EPHB4: variants seen among roughly 807,000 people sequenced by gnomAD.
EPHB4 encodes the protein EPH receptor B4.
Under a neutral mutation model 110.6 loss-of-function variants are expected in EPHB4, and 50 were observed. That is an observed-to-expected ratio of 0.45 (90% confidence interval 0.36 to 0.57). The LOEUF (loss-of-function observed/expected upper bound fraction) is 0.57, where lower values mean the gene tolerates loss of function less well. Ranked by LOEUF, EPHB4 falls within the 20% of genes least tolerant of loss-of-function variation. The pLI is 0.00. For missense variants in EPHB4, 1,128 were observed against 1,382.1 expected (o/e 0.82, Z 2.91); for synonymous variants, 592 against 578.4 (o/e 1.02, Z -0.34).
At position 100,812,746 on chromosome 7, in the gene EPHB4, C is replaced by T; in HGVS notation, c.2118+1G>A. On this transcript the variant is annotated splice_donor_variant, in intron 12 of 16. Transcript: ENST00000358173. LOFTEE classifies it high-confidence loss of function. The stretch of plus-strand genomic sequence containing the variant: ...CCGCAGAAGCCAGGGAGGGTGCTCA[C>T]CCGCAGGAAGGAGTCCAGGGCGCCG... 2 of 1,612,136 alleles carry T rather than the reference C, an allele frequency of 1.2e-6. No homozygotes were observed. The highest frequency in any genetic ancestry group is 1.7e-6 in the Non-Finnish European group (2 of 1,179,702).
At chr7:100,818,441 G>C in intron 7 of EPHB4, 79 bp downstream of exon 7, 1 of 1,565,718 alleles carries the variant, frequency 6.4e-7, no homozygotes, top group Non-Finnish European at 8.7e-7. Flanking sequence ...ATGCCTGCCA[G>C]GTGCCTGCAA....
chr7:100,816,129 G>A (rs1008121312), intron 8 of EPHB4, among the ~76,000 whole-genome samples: 6 of 150,354 alleles, frequency 4.0e-5, no homozygotes, highest in African/African-American at 1.5e-4. Context: ...TCGCGCCACC[G>A]CACTCCAGCC....
chr7:100,808,064 G>A (rs187277244), intron 12 of EPHB4, among the ~76,000 whole-genome samples: 3 of 152,268 alleles, frequency 2.0e-5, no homozygotes, highest in Admixed American at 1.3e-4. Flanking sequence ...TCTTGCTACA[G>A]TATCACAACA....
chr7:100,808,424 A>G (rs748288666), intron 12 of EPHB4, among the ~76,000 whole-genome samples: 18 of 152,032 alleles, frequency 1.2e-4, no homozygotes, highest in Non-Finnish European at 1.9e-4. Flanking sequence ...ATGGGGTCTC[A>G]CTGTGTTTCC....
At chr7:100,809,031 T>G (rs1225822428) in intron 12 of EPHB4, among the ~76,000 whole-genome samples, 1 of 152,188 alleles carries the variant, frequency 6.6e-6, no homozygotes, top group East Asian at 1.9e-4. Context: ...ACGGCCTGGA[T>G]GCTGGCAACA....
rs1562972261 is a variant in EPHB4, at chr7:100,820,192, G to A, written c.913C>T (p.Arg305Cys). The A allele has an allele frequency of 7.4e-6, 12 of 1,614,102 alleles. No individual in the cohort carries two copies. Among genetic ancestry groups the A allele is most frequent in the Non-Finnish European group, 1.0e-5 (12 of 1,180,024 alleles). Reference protein sequence around the residue: ...NTIGSAVCQCRVGYFRARTDP... With the variant: ...NTIGSAVCQCCVGYFRARTDP... Reference sequence around the variant, plus strand: ...GTGCGTGCCCGGAAGTACCCGACGCGGCACTGGCAGACGGCTGATCCAATG... The same window carrying A: ...GTGCGTGCCCGGAAGTACCCGACGCAGCACTGGCAGACGGCTGATCCAATG... The change falls in exon 5 of 17, where the codon CGC becomes TGC. Residue 305 changes from arginine to cysteine, a missense_variant. By Grantham distance (180) the Arg-to-Cys change is radical. This residue lies in a region of EPHB4 where 728 missense variants were observed against 828.6 expected (regional missense o/e 0.88). Transcript: ENST00000358173.
chr7:100,822,232 C>A lies in EPHB4; in HGVS notation c.808+39G>T. On this transcript the variant is annotated intron_variant, in intron 4 of 16. Transcript: ENST00000358173. The surrounding 1 kb of genome is among the most constrained non-coding windows in gnomAD (Gnocchi z 4.7). ...CTGAGTGGAGTTCAGGACTCTCCCC[C>A]GGATGAGCAGCAGTCGCAGGGGAAG... 3.3e-6 allele frequency: 5 copies of A among 1,535,956 alleles called. No homozygotes were observed. The highest frequency in any genetic ancestry group is 1.2e-5 in the South Asian group (1 of 82,644).
In EPHB4 at chr7:100,806,408, C is replaced by A; in HGVS notation, c.2484+12G>T. ...ACTCGAGGAAAGCTTGGTAGGACCA[C>A]GGGACACTTACGTCCTGATTGCTCA... is the stretch of plus-strand genomic sequence containing the variant. On this transcript the variant is annotated intron_variant, in intron 14 of 16. Transcript: ENST00000358173. The A allele has an allele frequency of 6.2e-7, 1 of 1,608,744 alleles. No homozygotes were observed. Among genetic ancestry groups the A allele is most frequent in the South Asian group, 1.1e-5 (1 of 90,418 alleles).
rs1240439526 is a variant in EPHB4, at chr7:100,813,973, A to G, written c.1637T>C (p.Val546Ala). The part of the protein sequence containing the change: ...EQLALIAGTA[V>A]VGVVLVLVVI... ...CACCAGGACCAGGACCACACCCACG[A>G]CTGCCGTGCCCGCAATCAGGGCCAG... The change falls in exon 9 of 17, where the codon GTC (valine) becomes GCC (alanine). Residue 546 changes from valine to alanine, a missense_variant. Physicochemically the swap from Val to Ala is moderately conservative, Grantham distance 64 (BLOSUM62 0). This residue lies in a region of EPHB4 where 728 missense variants were observed against 828.6 expected (regional missense o/e 0.88). Coordinates refer to ENST00000358173, the MANE Select transcript of EPHB4 (RefSeq NM_004444.5). 10 of 1,613,874 alleles carry G rather than the reference A, an allele frequency of 6.2e-6. No individual in the cohort carries two copies. The highest frequency in any genetic ancestry group is 6.8e-6 in the Non-Finnish European group (8 of 1,179,996).
chr7:100,817,104 A>AT, intron 8 of EPHB4, 88 bp downstream of exon 8: 3 of 1,163,836 alleles, frequency 2.6e-6, no homozygotes, highest in Non-Finnish European at 3.4e-6. Context: ...AAAAAAAAAA[A>AT]GATGATGGGA....
At position 100,826,893 on chromosome 7, in the gene EPHB4, G is replaced by A. The variant is rs1341240353; in HGVS notation, c.52+86C>T. Reference sequence around the variant, plus strand: ...CAGTGCCCGGGTAGGGGTAGTCAGAGGCCGGCCCCTCCACTCCGAGGCCCA... The same window carrying A: ...CAGTGCCCGGGTAGGGGTAGTCAGAAGCCGGCCCCTCCACTCCGAGGCCCA... On this transcript the variant is annotated intron_variant, in intron 1 of 16. Coordinates refer to ENST00000358173, the MANE Select transcript of EPHB4 (RefSeq NM_004444.5). 4 of 1,472,224 alleles carry A rather than the reference G, an allele frequency of 2.7e-6. No individual in the cohort carries two copies. The East Asian group carries it at 7.8e-5, about 29-fold the overall frequency. 91.2% of individuals were successfully genotyped at this position (1,472,224 alleles called of 1,614,324 possible). A position where few individuals can be genotyped will look rare whatever the true frequency, so the allele number is the denominator to read the frequency against.
chr7:100,813,459 G>A, intron 10 of EPHB4, 193 bp downstream of exon 10: 1 of 701,658 alleles, frequency 1.4e-6, no homozygotes. Context: ...GGGATTACAG[G>A]TGCCCACCAC....
At position 100,822,243 on chromosome 7, in the gene EPHB4, C is replaced by G; in HGVS notation, c.808+28G>C. The G allele has an allele frequency of 6.5e-7, 1 of 1,543,026 alleles. No homozygotes were observed. Among genetic ancestry groups the G allele is most frequent in the African/African-American group, 1.4e-5 (1 of 73,108 alleles). On this transcript the variant is annotated intron_variant, in intron 4 of 16. Coordinates refer to ENST00000358173, the MANE Select transcript of EPHB4 (RefSeq NM_004444.5). The surrounding 1 kb of genome is among the most constrained non-coding windows in gnomAD (Gnocchi z 4.7). ...TCAGGACTCTCCCCCGGATGAGCAG[C>G]AGTCGCAGGGGAAGCTCCAGCTCTC...
intron 8 of EPHB4, among the ~76,000 whole-genome samples, chr7:100,814,266 A>C (rs1813014460): frequency 6.6e-6 from 1 of 152,160 alleles, no homozygotes. Context: ...ATCTTTTCTT[A>C]CTGCCAGAGT....
Position 100,803,352 on chromosome 7 carries a change from G to A in EPHB4, c.*109C>T, listed in dbSNP as rs759950292. 1.0e-5 allele frequency: 13 copies of A among 1,292,152 alleles called. No homozygotes were observed. Among genetic ancestry groups the A allele is most frequent in the South Asian group, 2.2e-5 (1 of 45,144 alleles). 80.0% of individuals were successfully genotyped at this position (1,292,152 alleles called of 1,614,324 possible). A position where few individuals can be genotyped will look rare whatever the true frequency, so the allele number is the denominator to read the frequency against. ...CCAAATTGCCAACTCCTCACCCCAC[G>A]GGCTCAAAGTGCAATCCAGCGGGGC... On this transcript the variant is annotated 3_prime_UTR_variant, in exon 17 of 17. Coordinates refer to ENST00000358173, the MANE Select transcript of EPHB4 (RefSeq NM_004444.5).
rs747465488 is a variant in EPHB4 at position 100,822,591 on chromosome 7, G to A, written c.488C>T (p.Thr163Met). The change falls in exon 4 of 17, where the codon ACG becomes ATG. Residue 163 changes from threonine (T) to methionine (M), a missense_variant. Thr to Met is a moderately conservative substitution (Grantham distance 81, BLOSUM62 -1). Around this residue, in one of 3 missense-constraint regions of EPHB4, gnomAD observed 728 missense variants for 828.6 expected, o/e 0.88. Transcript: ENST00000358173. The surrounding 1 kb of genome is among the most constrained non-coding windows in gnomAD (Gnocchi z 4.7). The stretch of plus-strand genomic sequence containing the variant: ...CTTGCTGAGCGGTCCCAGACGCAGC[G>A]TCTTGACATTCACCTTCCCGGTGGC... ...AEATGKVNVK[T>M]LRLGPLSKAG... 99 of 1,610,962 alleles carry A rather than the reference G, an allele frequency of 6.1e-5. 1 individual carries two copies. The South Asian group carries it at 8.8e-4, about 14-fold the overall frequency.
At chr7:100,824,585 T>C in intron 1 of EPHB4, 1 of 344,906 alleles carries the variant, frequency 2.9e-6, no homozygotes, top group Non-Finnish European at 5.5e-6. Context: ...AGGGTTAAAA[T>C]GAGAGCTGCG....
intron 16 of EPHB4, among the ~76,000 whole-genome samples, chr7:100,804,960 G>A (rs935481517): frequency 1.3e-5 from 2 of 152,240 alleles, no homozygotes; most frequent in African/African-American, 4.8e-5. Flanking sequence ...GGTGAGGCGG[G>A]CAGGCTGGCC....
At chr7:100,823,977 G>C (rs745350161) in intron 2 of EPHB4, 46 bp from the exon 3 acceptor site, 2 of 1,535,746 alleles carry the variant, frequency 1.3e-6, no homozygotes. Context: ...AGCCGCCAGG[G>C]AGAGGGCTGC....
Sources: allele counts gnomAD v4.1 joint callset (sites outside exome capture counted in the v4.1 genomes callset), GRCh38; gene constraint gnomAD v4.1.1; regional missense constraint gnomAD v4.1.1; non-coding constraint Gnocchi (gnomAD v3.1); transcripts MANE v1.5; gene names NCBI Gene and HGNC (gene_info 2026-07-23, HGNC 2026-07-21).